The following GALNT13 variants were observed in gnomAD, a reference collection of about 807,000 sequenced individuals.
GALNT13 encodes polypeptide N-acetylgalactosaminyltransferase 13, also known as UDP-GalNAc:polypeptide N-acetylgalactosaminyltransferase 13.
A neutral mutation model predicts 64.2 loss-of-function variants in GALNT13; 28 were observed. The observed-to-expected ratio is 0.44, with a 90% CI of 0.32 to 0.60. The LOEUF (loss-of-function observed/expected upper bound fraction) is 0.60. GALNT13 is among the 20% of genes least tolerant of loss of function. The pLI, the probability that GALNT13 is intolerant of heterozygous loss-of-function variation, is 0.05. For missense variants in GALNT13, 577 were observed against 669.8 expected (o/e 0.86, Z 1.53); for synonymous variants, 214 against 224.6 (o/e 0.95, Z 0.42).
the GALNT13 span, among the ~76,000 whole-genome samples, chr2:153,256,451 CCTT>C: frequency 5.3e-5 from 8 of 152,168 alleles, no homozygotes; most frequent in African/African-American, 1.7e-4. Context: ...TCATCTGAAG[CCTT>C]CTTCTCTCAG....
At chr2:153,249,581 C>G in the GALNT13 span, among the ~76,000 whole-genome samples, 1 of 152,002 alleles carries the variant, frequency 6.6e-6, no homozygotes, top group African/African-American at 2.4e-5. Flanking sequence ...CAATGTTAAG[C>G]AAAAAGAACA....
chr2:154,053,621 G>A (rs1281397015), intron 3 of GALNT13, among the ~76,000 whole-genome samples: 2 of 152,104 alleles, frequency 1.3e-5, no homozygotes, highest in African/African-American at 2.4e-5. Context: ...AAGCTCCTAT[G>A]ATGAAATATA....
chr2:153,966,778 T>C (rs1693390275), intron 3 of GALNT13, among the ~76,000 whole-genome samples: 1 of 152,148 alleles, frequency 6.6e-6, no homozygotes, highest in Non-Finnish European at 1.5e-5. Context: ...TACCTGGTTA[T>C]TCGTGTTTTT....
the GALNT13 span, among the ~76,000 whole-genome samples, chr2:153,130,085 T>G: frequency 6.6e-6 from 1 of 152,132 alleles, no homozygotes; most frequent in African/African-American, 2.4e-5. Flanking sequence ...TAATACCAAG[T>G]GCATCAGCGA....
At chr2:154,298,715 ATAAAT>A (rs1207666837) in intron 8 of GALNT13, among the ~76,000 whole-genome samples, 1 of 111,572 alleles carries the variant, frequency 9.0e-6, no homozygotes, top group African/African-American at 3.3e-5. Flanking sequence ...CAATTTATAT[ATAAAT>A]TATATTATTT....
intron 4 of GALNT13, among the ~76,000 whole-genome samples, chr2:154,219,443 T>C (rs1688212584): frequency 6.6e-6 from 1 of 152,110 alleles, no homozygotes; most frequent in Non-Finnish European, 1.5e-5. Context: ...TTTCACAATC[T>C]TACCATTCTT....
intron 9 of GALNT13, among the ~76,000 whole-genome samples, chr2:154,319,646 C>G (rs1306725637): frequency 7.0e-6 from 1 of 141,870 alleles, no homozygotes; most frequent in African/African-American, 2.6e-5. Flanking sequence ...GCCTGGGTGA[C>G]AAAGCAAGAC....
chr2:154,270,845 A>C (rs1691314505), intron 8 of GALNT13, among the ~76,000 whole-genome samples: 1 of 151,978 alleles, frequency 6.6e-6, no homozygotes, highest in East Asian at 1.9e-4. Context: ...TGGGTGCACT[A>C]AGAGAAAATT....
the GALNT13 span, among the ~76,000 whole-genome samples, chr2:153,582,371 T>C: frequency 6.6e-6 from 1 of 152,264 alleles, no homozygotes; most frequent in Non-Finnish European, 1.5e-5. Context: ...TTATATGTGT[T>C]ATTGAATGTT....
the GALNT13 span, among the ~76,000 whole-genome samples, chr2:153,511,002 A>G: frequency 6.6e-6 from 1 of 152,092 alleles, no homozygotes; most frequent in Non-Finnish European, 1.5e-5. Flanking sequence ...CTGACCTAGG[A>G]GTTACAAGAG....
chr2:154,058,842 T>C (rs1310090491), intron 3 of GALNT13, among the ~76,000 whole-genome samples: 3 of 152,076 alleles, frequency 2.0e-5, no homozygotes, highest in Admixed American at 6.5e-5. Context: ...AGAGGAACCA[T>C]TGTAGGGTTT....
intron 4 of GALNT13, among the ~76,000 whole-genome samples, chr2:154,206,746 T>A (rs1687477872): frequency 6.6e-6 from 1 of 150,746 alleles, no homozygotes; most frequent in Non-Finnish European, 1.5e-5. Context: ...ATTGCCCCAC[T>A]GCATTCCAGC....
chr2:153,551,593 T>A, the GALNT13 span, among the ~76,000 whole-genome samples: 8 of 152,284 alleles, frequency 5.3e-5, no homozygotes, highest in East Asian at 1.5e-3. Context: ...GGACTAACAA[T>A]TCTTATTGAT....
At chr2:153,541,573 C>T in the GALNT13 span, among the ~76,000 whole-genome samples, 1 of 152,184 alleles carries the variant, frequency 6.6e-6, no homozygotes, top group Admixed American at 6.5e-5. Context: ...TAACCTTCTC[C>T]CCTGCGTTTC....
At chr2:153,822,632 G>A in the GALNT13 span, among the ~76,000 whole-genome samples, 1 of 151,910 alleles carries the variant, frequency 6.6e-6, no homozygotes, top group South Asian at 2.1e-4. Context: ...TGTACTGAAT[G>A]GACAAAAGCT....
chr2:154,347,278 A>G (rs1428569210), intron 9 of GALNT13, among the ~76,000 whole-genome samples: 2 of 152,140 alleles, frequency 1.3e-5, no homozygotes, highest in Non-Finnish European at 2.9e-5. Context: ...GGACCTTAGT[A>G]TATTGATTAT....
chr2:153,677,284 TACACACACACACACACACACACACACAC>T, the GALNT13 span, among the ~76,000 whole-genome samples: 12 of 144,664 alleles, frequency 8.3e-5, no homozygotes, highest in Non-Finnish European at 1.2e-4. Flanking sequence ...ACAATAGACA[TACACACACACACACACACACACACACAC>T]ACACACACAC....
the GALNT13 span, among the ~76,000 whole-genome samples, chr2:153,671,900 T>C: frequency 1.3e-5 from 2 of 152,052 alleles, no homozygotes; most frequent in Non-Finnish European, 2.9e-5. Context: ...GGGGTTGCAA[T>C]CCTGGTCTCT....
At chr2:153,965,510 G>T (rs947774353) in intron 3 of GALNT13, among the ~76,000 whole-genome samples, 1 of 152,040 alleles carries the variant, frequency 6.6e-6, no homozygotes, top group Admixed American at 6.6e-5. Flanking sequence ...AGGAGAATCT[G>T]CGAAGGGACA....
Sources: allele counts gnomAD v4.1 joint callset (sites outside exome capture counted in the v4.1 genomes callset), GRCh38; gene constraint gnomAD v4.1.1; transcripts MANE v1.5; gene names NCBI Gene and HGNC (gene_info 2026-07-23, HGNC 2026-07-21).